Variants in PEX7 observed in about 807,000 individuals in gnomAD.
PEX7 encodes the protein peroxisomal biogenesis factor 7.
PEX7 carries 34 observed loss-of-function variants against 47.5 expected under a neutral mutation model. The ratio of observed to expected loss-of-function variants is 0.72; its 90% CI spans 0.54 to 0.95. The LOEUF (loss-of-function observed/expected upper bound fraction) is 0.95. Ranked by LOEUF, PEX7 falls within the 40% of genes least tolerant of loss-of-function variation. The probability of loss-of-function intolerance (pLI) is 0.00; values close to 1 mark genes in which losing one functional copy is unlikely to be tolerated. For synonymous variants in PEX7, 141 were observed against 148.8 expected (o/e 0.95, Z 0.38); for missense variants, 394 against 400.3 (o/e 0.98, Z 0.13).
intron 3 of PEX7, among the ~76,000 whole-genome samples, chr6:136,829,367 A>G (rs767368299): frequency 2.4e-4 from 37 of 152,158 alleles, no homozygotes; most frequent in Non-Finnish European, 4.7e-4. Flanking sequence ...CTGTCTTTTC[A>G]TTGTATCTGC....
At position 136,837,391 on chromosome 6, in the gene PEX7, A is replaced by G. The variant is rs142418368; in HGVS notation, c.340-8224A>G. Among the ~76,000 whole-genome samples, 114 of 149,284 alleles carry G rather than the reference A, an allele frequency of 7.6e-4. 1 individual carries two copies. In the East Asian group the frequency reaches 0.021, roughly 27 times the overall value. ...AAAAAAAAAAGAAACTGAAAGTTTT[A>G]AAGTGAGAGAAAAGCGTTATGAGAA... On this transcript the variant is annotated intron_variant, in intron 3 of 9. Coordinates refer to ENST00000318471, the MANE Select transcript of PEX7 (RefSeq NM_000288.4).
intron 5 of PEX7, among the ~76,000 whole-genome samples, chr6:136,856,465 A>G (rs114561955): frequency 0.042 from 6,324 of 152,288 alleles, 146 homozygotes; most frequent in African/African-American, 0.072. Flanking sequence ...ATCAGGCACC[A>G]CATGATGGCA....
At chr6:136,905,091 T>G (rs1323947492) in intron 9 of PEX7, among the ~76,000 whole-genome samples, 1 of 152,228 alleles carries the variant, frequency 6.6e-6, no homozygotes, top group Non-Finnish European at 1.5e-5. Flanking sequence ...CTCATCCTTT[T>G]TCAGTGTCAG....
At chr6:136,860,923 G>A (rs376730387) in intron 5 of PEX7, among the ~76,000 whole-genome samples, 4 of 152,016 alleles carry the variant, frequency 2.6e-5, no homozygotes, top group African/African-American at 9.7e-5. Context: ...CCACTGTGTG[G>A]CCTTCCAATA....
intron 3 of PEX7, among the ~76,000 whole-genome samples, chr6:136,828,647 G>T (rs1022594562): frequency 6.6e-6 from 1 of 152,154 alleles, no homozygotes; most frequent in African/African-American, 2.4e-5. Context: ...CCTTCTGATA[G>T]CCTCCTTTGA....
intron 8 of PEX7, among the ~76,000 whole-genome samples, chr6:136,893,200 T>C (rs181699277): frequency 1.3e-5 from 2 of 152,346 alleles, no homozygotes; most frequent in Non-Finnish European, 2.9e-5. Context: ...GGCTTTTTTT[T>C]TCTTTTTTTA....
intron 9 of PEX7, among the ~76,000 whole-genome samples, chr6:136,904,363 CTG>C (rs1328522557): frequency 1.3e-5 from 2 of 152,154 alleles, no homozygotes; most frequent in Admixed American, 1.3e-4. Context: ...AGTTCCAGCT[CTG>C]TAGGATATCA....
chr6:136,907,017 C>A (rs1775856384), intron 9 of PEX7, among the ~76,000 whole-genome samples: 1 of 152,080 alleles, frequency 6.6e-6, no homozygotes, highest in Admixed American at 6.6e-5. Context: ...TATTGCAGAA[C>A]AATTACATTT....
Position 136,900,805 on chromosome 6 carries a change from G to A in PEX7, c.903+2564G>A. 1.2e-5 allele frequency: 4 copies of A among 325,718 alleles called. No individual in the cohort carries two copies. The highest frequency in any genetic ancestry group is 1.1e-4 in the South Asian group (4 of 35,752). The allele number at this position is 325,718 out of a possible 1,614,324, so 20.2% of individuals were successfully genotyped here. A position where few individuals can be genotyped will look rare whatever the true frequency, so the allele number is the denominator to read the frequency against. The stretch of plus-strand genomic sequence containing the variant: ...AGTGGGGACATCCCCTTTGCCAACA[G>A]CTTTCTTCTCAGCCTGGGCCAAGTC... On this transcript the variant is annotated intron_variant, in intron 9 of 9. Coordinates refer to ENST00000318471, the MANE Select transcript of PEX7 (RefSeq NM_000288.4). This position sits in a 1 kb window ranked among gnomAD's most constrained non-coding sequence, Gnocchi z 4.2.
intron 5 of PEX7, among the ~76,000 whole-genome samples, chr6:136,860,904 C>T (rs1172686079): frequency 6.6e-6 from 1 of 152,120 alleles, no homozygotes; most frequent in Non-Finnish European, 1.5e-5. Context: ...CACGTCCCAC[C>T]CCAGGTGACC....
At chr6:136,833,411 T>C (rs930745157) in intron 3 of PEX7, among the ~76,000 whole-genome samples, 2 of 152,222 alleles carry the variant, frequency 1.3e-5, no homozygotes, top group African/African-American at 4.8e-5. Context: ...ATAAAAAATA[T>C]TAATGCAGAA....
chr6:136,827,504 TTGTGTGTGTGTGTGTG>T (rs5880309), intron 3 of PEX7, among the ~76,000 whole-genome samples: 37 of 141,024 alleles, frequency 2.6e-4, no homozygotes, highest in South Asian at 1.6e-3. Flanking sequence ...CTGTGTGAAT[TTGTGTGTGTGTGTGTG>T]TGTGTGTGTG....
chr6:136,823,384 G>T, intron 1 of PEX7: 1 of 982,582 alleles, frequency 1.0e-6, no homozygotes, highest in Non-Finnish European at 1.2e-6. Context: ...TCGCAAGTAG[G>T]TGTTACAGAC....
chr6:136,882,175 C>CTTTT (rs35653586), intron 8 of PEX7, among the ~76,000 whole-genome samples: 500 of 104,242 alleles, frequency 4.8e-3, no homozygotes, highest in Non-Finnish European at 6.2e-3. Context: ...TCTTCTTCTT[C>CTTTT]TTTTTTTTTT....
intron 1 of PEX7, among the ~76,000 whole-genome samples, chr6:136,824,408 G>A (rs572878406): frequency 1.3e-5 from 2 of 152,198 alleles, no homozygotes; most frequent in South Asian, 4.1e-4. Flanking sequence ...GTATCACTAT[G>A]TTGCCCAGGC....
chr6:136,860,947 T>A (rs1209886398), intron 5 of PEX7, among the ~76,000 whole-genome samples: 2 of 152,228 alleles, frequency 1.3e-5, no homozygotes, highest in Non-Finnish European at 2.9e-5. Context: ...TGGATTAATG[T>A]TGCCCATTTT....
intron 3 of PEX7, among the ~76,000 whole-genome samples, chr6:136,844,356 G>T (rs928823596): frequency 3.4e-5 from 5 of 147,922 alleles, no homozygotes; most frequent in African/African-American, 4.9e-5. Context: ...GGGCGACTGC[G>T]CAAGACCCTG....
Position 136,826,319 on chromosome 6 carries a change from C to A in PEX7, c.189C>A (p.Ser63Arg). The A allele has an allele frequency of 6.2e-7, 1 of 1,613,764 alleles. No individual in the cohort carries two copies. Among genetic ancestry groups the A allele is most frequent in the East Asian group, 2.2e-5 (1 of 44,868 alleles). ...PDEAGLRLFR[S>R]FDWNDGLFDV... is the part of the protein sequence containing the mutation. ...TGTTGTTTGTTTTTTCCTAGTGTAG[C>A]TTTGACTGGAATGATGGTTTGTTTG... The change falls in exon 3 of 10, where the codon AGC (serine) becomes AGA (arginine). Residue 63 changes from serine (S) to arginine (R), a missense_variant and splice_region_variant. Ser to Arg is a moderately radical substitution (Grantham distance 110, BLOSUM62 -1). Coordinates refer to ENST00000318471, the MANE Select transcript of PEX7 (RefSeq NM_000288.4).
rs1295909393 is a variant in PEX7 at position 136,848,376 on chromosome 6, T to C, written c.526+2195T>C. 2.6e-5 allele frequency among the ~76,000 whole-genome samples: 4 copies of C among 152,196 alleles called. No homozygotes were observed. In the East Asian group the frequency reaches 7.7e-4, roughly 29 times the overall value. The stretch of plus-strand genomic sequence containing the variant: ...TTGCCCTGGCCAGAACTTCCAACAC[T>C]ATGTTGAATAGGAGTGGTGAGAGAG... On this transcript the variant is annotated intron_variant, in intron 5 of 9. Coordinates refer to ENST00000318471, the MANE Select transcript of PEX7 (RefSeq NM_000288.4).
Sources: gnomAD v4.1 joint callset for allele counts (sites outside exome capture counted in the v4.1 genomes callset) on GRCh38, gnomAD v4.1.1 for gene constraint, Gnocchi (gnomAD v3.1) non-coding constraint, MANE v1.5 for transcripts, NCBI Gene and HGNC (gene_info 2026-07-23, HGNC 2026-07-21) for gene names.